FAAH: variants seen among roughly 807,000 people sequenced by gnomAD.
FAAH encodes fatty-acid amide hydrolase 1.
Under a neutral mutation model 69.7 loss-of-function variants are expected in FAAH, and 63 were observed. The ratio of observed to expected loss-of-function variants is 0.90; its 90% confidence interval spans 0.74 to 1.12. FAAH has a LOEUF of 1.12. FAAH is among the 50% of genes most tolerant of loss of function. The pLI is 0.00. For missense variants in FAAH, 680 were observed against 755.0 expected (o/e 0.90, Z 1.16); for synonymous variants, 305 against 324.2 (o/e 0.94, Z 0.64).
In FAAH at chr1:46,405,685, G is replaced by A. The variant is rs969987411; in HGVS notation, c.676G>A (p.Gly226Arg). ...CTCAGGGGGTGAAGGGGCCCTCATC[G>A]GGTCTGGAGGCTCCCCCCTGGGCTT... The part of the protein sequence containing the change: ...GSSGGEGALI[G>R]SGGSPLGLGT... Residue 226 changes from glycine (G) to arginine (R), a missense_variant, in exon 5 of 15, where the codon GGG (glycine) becomes AGG (arginine). Transcript: ENST00000243167. The surrounding 1 kb of genome is among the most constrained non-coding windows in gnomAD (Gnocchi z 4.1). 6.2e-7 allele frequency: 1 copy of A among 1,613,450 alleles called. No homozygotes were observed. The highest frequency in any genetic ancestry group is 8.5e-7 in the Non-Finnish European group (1 of 1,180,038).
Position 46,413,586 on chromosome 1 carries a change from T to G in FAAH, c.*11T>G, listed in dbSNP as rs1206540667. 24 of 1,613,974 alleles carry G rather than the reference T, an allele frequency of 1.5e-5. No homozygotes were observed. Among genetic ancestry groups the G allele is most frequent in the Non-Finnish European group, 2.0e-5 (24 of 1,179,942 alleles). On this transcript the variant is annotated 3_prime_UTR_variant, in exon 15 of 15. Transcript: ENST00000243167. ...AAGCAGTCATCCTGATGGCTCTGGC[T>G]CCAGAGGACCTGAGACTCACACTCT...
Position 46,405,863 on chromosome 1 carries a change from G to GA in FAAH, c.785+69_785+70insA. 1 of 1,606,196 alleles carries GA rather than the reference G, an allele frequency of 6.2e-7. No homozygotes were observed. Among genetic ancestry groups the GA allele is most frequent in the Non-Finnish European group, 8.5e-7 (1 of 1,176,662 alleles). ...CTTGGCCTAGCTTCCAACCTCTCTG[G>GA]GCTCCAGGCGGGGATTCGGTCTCCG... On this transcript the variant is annotated intron_variant, in intron 5 of 14. Coordinates refer to ENST00000243167, the MANE Select transcript of FAAH (RefSeq NM_001441.3). The surrounding 1 kb of genome is among the most constrained non-coding windows in gnomAD (Gnocchi z 4.1).
intron 7 of FAAH, among the ~76,000 whole-genome samples, chr1:46,407,956 A>C (rs952313072): frequency 1.3e-5 from 2 of 152,100 alleles, no homozygotes; most frequent in Non-Finnish European, 2.9e-5. Context: ...AGCAGGGCAG[A>C]TCTGGGCTGG....
chr1:46,398,798 G>C (rs1214172996), intron 1 of FAAH, among the ~76,000 whole-genome samples: 1 of 152,192 alleles, frequency 6.6e-6, no homozygotes. Context: ...GCCTCCCAAA[G>C]TGCTGGGATT....
chr1:46,413,395 G>T, intron 14 of FAAH, 52 bp from the exon 15 acceptor site: 1 of 1,613,570 alleles, frequency 6.2e-7, no homozygotes, highest in East Asian at 2.2e-5. Context: ...TGGGCCTGGG[G>T]GTGGGGAGTC....
At chr1:46,406,192 C>T (rs375037874) in intron 6 of FAAH, 52 bp from the exon 7 acceptor site, 21 of 1,613,904 alleles carry the variant, frequency 1.3e-5, no homozygotes, top group Admixed American at 1.2e-4. Flanking sequence ...TGCTCTAGGT[C>T]TGGGTTCCTC....
At chr1:46,403,376 C>T (rs1017613990) in intron 2 of FAAH, among the ~76,000 whole-genome samples, 5 of 152,308 alleles carry the variant, frequency 3.3e-5, no homozygotes, top group African/African-American at 4.8e-5. Flanking sequence ...GGATTACAGG[C>T]GTGAGCCACC....
In FAAH at chr1:46,396,555, C is replaced by T. The variant is rs963006298; in HGVS notation, c.195+2012C>T. ...TTGGGCAGAGGTGCCTGCAGCCTTC[C>T]GCAGTGCATTGTGCCCCTGGGTACT... On this transcript the variant is annotated intron_variant, in intron 1 of 14. Transcript: ENST00000243167. 5.3e-5 allele frequency among the ~76,000 whole-genome samples: 8 copies of T among 152,330 alleles called. No individual in the cohort carries two copies. In the South Asian group the frequency reaches 6.2e-4, roughly 12 times the overall value.
chr1:46,402,093 C>T lies in FAAH; in HGVS notation c.198C>T (p.Asn66=). 1 of 1,605,224 alleles carries T rather than the reference C, an allele frequency of 6.2e-7. No individual in the cohort carries two copies. ...TGATCCGAGTTTGTTCCCCACAGAA[C>T]CCAGACCTGGACTCAGAGGCGCTGC... ...DRAAQRFRLQ[N]PDLDSEALLA... The change falls in exon 2 of 15, where the codon AAC becomes AAT. Residue 66 remains asparagine (N), a splice_region_variant and synonymous_variant. Coordinates refer to ENST00000243167, the MANE Select transcript of FAAH (RefSeq NM_001441.3).
chr1:46,413,807 T>C lies in FAAH; in HGVS notation c.*232T>C. 2 of 582,328 alleles carry C rather than the reference T, an allele frequency of 3.4e-6. No individual in the cohort carries two copies. Among genetic ancestry groups the C allele is most frequent in the Non-Finnish European group, 6.1e-6 (2 of 326,082 alleles). 36.1% of individuals were successfully genotyped at this position (582,328 alleles called of 1,614,324 possible). A position where few individuals can be genotyped will look rare whatever the true frequency, so the allele number is the denominator to read the frequency against. On this transcript the variant is annotated 3_prime_UTR_variant, in exon 15 of 15. Transcript: ENST00000243167. ...CCACCCCCATGTGGCAGCCCATGGG[T>C]ATGACATAGGCCAAGGCCCAACTAA...
At position 46,410,069 on chromosome 1, in the gene FAAH, C is replaced by T. The variant is rs929891612; in HGVS notation, c.1176-329C>T. On this transcript the variant is annotated intron_variant, in intron 9 of 14. Coordinates refer to ENST00000243167, the MANE Select transcript of FAAH (RefSeq NM_001441.3). This position sits in a 1 kb window ranked among gnomAD's most constrained non-coding sequence, Gnocchi z 4.9. ...CCACCCTCGATTTCCCCACCTGTGC[C>T]TCCAGGCTGTACCTCCCTAAGGGGA... 2.6e-5 allele frequency: 7 copies of T among 268,066 alleles called. No homozygotes were observed. Among genetic ancestry groups the T allele is most frequent in the African/African-American group, 6.7e-5 (3 of 44,896 alleles). The allele number at this position is 268,066 out of a possible 1,614,324, so 16.6% of individuals were successfully genotyped here.
intron 7 of FAAH, 84 bp from the exon 8 acceptor site, chr1:46,408,375 C>A: frequency 6.3e-7 from 1 of 1,589,304 alleles, no homozygotes; most frequent in Non-Finnish European, 8.6e-7. Context: ...GTGTCTGGGG[C>A]TGAGTAGTTT....
chr1:46,412,381 G>C, intron 13 of FAAH, 130 bp downstream of exon 13: 1 of 760,712 alleles, frequency 1.3e-6, no homozygotes, highest in Non-Finnish European at 2.2e-6. Flanking sequence ...GCTGACTGGA[G>C]ACATGGCAGT....
Position 46,412,203 on chromosome 1 carries a change from C to T in FAAH, c.1417C>T (p.Pro473Ser). ...GCTGGACCTGGATGTGGTGCTGACC[C>T]CCATGCTGGCCCCTGCTCTGGACTT... is the stretch of plus-strand genomic sequence containing the variant. Reference protein sequence around the residue: ...RALDLDVVLTPMLAPALDLNA... With the variant: ...RALDLDVVLTSMLAPALDLNA... Residue 473 changes from proline (P) to serine (S), a missense_variant, in exon 13 of 15, where the codon CCC becomes TCC. Physicochemically the swap from Pro to Ser is moderately conservative, Grantham distance 74. Coordinates refer to ENST00000243167, the MANE Select transcript of FAAH (RefSeq NM_001441.3). 6.4e-7 allele frequency: 1 copy of T among 1,561,738 alleles called. No individual in the cohort carries two copies. The highest frequency in any genetic ancestry group is 8.7e-7 in the Non-Finnish European group (1 of 1,152,704).
chr1:46,404,090 C>T lies in FAAH; in HGVS notation c.310-924C>T, dbSNP rs144423840. On this transcript the variant is annotated intron_variant, in intron 2 of 14. Transcript: ENST00000243167. The surrounding 1 kb of genome is among the most constrained non-coding windows in gnomAD (Gnocchi z 4.5). ...GCTGTGGGGGCTGCAGCTGAGGAAG[C>T]GAGCGCATGCTGGGCTGGTGTCACT... Among the ~76,000 whole-genome samples, 86 of 152,204 alleles carry T rather than the reference C, an allele frequency of 5.7e-4. No homozygotes were observed. The highest frequency in any genetic ancestry group is 7.8e-4 in the Admixed American group (12 of 15,288).
intron 1 of FAAH, among the ~76,000 whole-genome samples, chr1:46,395,556 C>T (rs147044051): frequency 1.1e-4 from 16 of 152,270 alleles, no homozygotes; most frequent in Middle Eastern, 3.4e-3. Flanking sequence ...GAAACACTGA[C>T]CCCAGTTAAA....
intron 13 of FAAH, among the ~76,000 whole-genome samples, chr1:46,412,861 A>C (rs1569826992): frequency 6.6e-6 from 1 of 152,196 alleles, no homozygotes; most frequent in East Asian, 1.9e-4. Flanking sequence ...TGGAGAAAGT[A>C]CATGGGCAAA....
At position 46,410,881 on chromosome 1, in the gene FAAH, C is replaced by T. The variant is rs201573234; in HGVS notation, c.1316+27C>T. On this transcript the variant is annotated intron_variant, in intron 11 of 14. Transcript: ENST00000243167. This position sits in a 1 kb window ranked among gnomAD's most constrained non-coding sequence, Gnocchi z 4.9. ...TAAGGGTTCTTCTGTGTCTAGCTGC[C>T]GGCCCCTGCCTGTCCTGATCCGAGT... The T allele has an allele frequency of 5.6e-5, 91 of 1,613,928 alleles. No individual in the cohort carries two copies. The highest frequency in any genetic ancestry group is 3.3e-4 in the Middle Eastern group (2 of 6,060).
At chr1:46,412,925 C>T in intron 13 of FAAH, 150 bp from the exon 14 acceptor site, 8 of 959,736 alleles carry the variant, frequency 8.3e-6, no homozygotes, top group Non-Finnish European at 1.3e-5. Context: ...ATCTGAATTC[C>T]TGGGCTTTGT....
Sources: gnomAD v4.1 joint callset for allele counts (sites outside exome capture counted in the v4.1 genomes callset) on GRCh38, gnomAD v4.1.1 for gene constraint, Gnocchi (gnomAD v3.1) non-coding constraint, MANE v1.5 for transcripts, NCBI Gene and HGNC (gene_info 2026-07-23, HGNC 2026-07-21) for gene names.